Variants in WNT7A observed in about 807,000 individuals in gnomAD.
WNT7A encodes protein Wnt-7a.
A neutral mutation model predicts 28.2 loss-of-function variants in WNT7A; 16 were observed. The observed-to-expected ratio is 0.57, with a 90% CI of 0.38 to 0.86. WNT7A has a LOEUF of 0.86. Among genes scored for constraint, WNT7A ranks in the 40% least tolerant of loss-of-function variants. The pLI is 0.00. For synonymous variants in WNT7A, 190 were observed against 195.9 expected, an observed-to-expected ratio of 0.97 and a Z score of 0.25; for missense variants, 411 against 489.7, an observed-to-expected ratio of 0.84 and a Z score of 1.52.
rs142646198 is a variant in WNT7A, at chr3:13,859,875, C to A, written c.299-5072G>T. 3.7e-3 allele frequency among the ~76,000 whole-genome samples: 556 copies of A among 152,278 alleles called. 4 individuals carry two copies. Among genetic ancestry groups the A allele is most frequent in the African/African-American group, 0.012 (516 of 41,542 alleles). The stretch of plus-strand genomic sequence containing the variant: ...CCCATCTATTCCCTAGGAAAGCAAC[C>A]CTCAAGGGAGGTAATAACAGCCTCT... On this transcript the variant is annotated intron_variant, in intron 2 of 3. Coordinates refer to ENST00000285018, the MANE Select transcript of WNT7A (RefSeq NM_004625.4).
intron 1 of WNT7A, 60 bp downstream of exon 1, chr3:13,879,686 C>A: frequency 6.4e-7 from 1 of 1,573,376 alleles, no homozygotes; most frequent in South Asian, 1.1e-5. Flanking sequence ...GCACACCTCC[C>A]TCCCCGGGCC....
intron 2 of WNT7A, among the ~76,000 whole-genome samples, chr3:13,872,622 G>A (rs752655067): frequency 5.3e-5 from 8 of 152,158 alleles, no homozygotes; most frequent in Non-Finnish European, 1.2e-4. Context: ...TGCCTGCCAA[G>A]CCCACTAGAA....
At chr3:13,879,628 G>A in intron 1 of WNT7A, 118 bp downstream of exon 1, 2 of 1,154,130 alleles carry the variant, frequency 1.7e-6, no homozygotes, top group Non-Finnish European at 2.5e-6. Flanking sequence ...GCACCCACCC[G>A]GCCTCTCAGA....
intron 3 of WNT7A, among the ~76,000 whole-genome samples, chr3:13,821,010 A>T (rs1425955182): frequency 6.6e-6 from 1 of 152,152 alleles, no homozygotes; most frequent in East Asian, 1.9e-4. Flanking sequence ...GCCCCTTCAA[A>T]TGCAGGCTGC....
At position 13,817,612 on chromosome 3, in the gene WNT7A, G is replaced by T. The variant is rs1575056563; in HGVS notation, c.*1332C>A. The T allele has an allele frequency of 6.6e-6, 1 of 152,504 alleles. No homozygotes were observed. Among genetic ancestry groups the T allele is most frequent in the East Asian group, 1.9e-4 (1 of 5,178 alleles). The allele number at this position is 152,504 out of a possible 1,614,324, so 9.4% of individuals were successfully genotyped here. ...CTCTGCTGCTTGGCCTTGGGAGCAGGATATCCAGGAAGCCCCGCTGGGCCC... is the reference window on the plus strand; with the variant it reads ...CTCTGCTGCTTGGCCTTGGGAGCAGTATATCCAGGAAGCCCCGCTGGGCCC... On this transcript the variant is annotated 3_prime_UTR_variant, in exon 4 of 4. Coordinates refer to ENST00000285018, the MANE Select transcript of WNT7A (RefSeq NM_004625.4).
chr3:13,828,314 G>C (rs575987932), intron 3 of WNT7A, among the ~76,000 whole-genome samples: 49 of 152,336 alleles, frequency 3.2e-4, no homozygotes, highest in African/African-American at 1.0e-3. Context: ...AAGCAGAGCT[G>C]AGAAATAGAG....
rs145540635 is a variant in WNT7A at position 13,857,171 on chromosome 3, C to A, written c.299-2368G>T. Reference sequence around the variant, plus strand: ...ATCAAGAAATGCTGTGTAAGATCTGCATGCTGGACCAGGCCATAGGAGGAC... The same window carrying A: ...ATCAAGAAATGCTGTGTAAGATCTGAATGCTGGACCAGGCCATAGGAGGAC... On this transcript the variant is annotated intron_variant, in intron 2 of 3. Transcript: ENST00000285018. Among the ~76,000 whole-genome samples, 264 of 152,260 alleles carry A rather than the reference C, an allele frequency of 1.7e-3. 4 individuals are homozygous for A. The highest frequency in any genetic ancestry group is 4.6e-4 in the Non-Finnish European group (31 of 68,012).
intron 3 of WNT7A, among the ~76,000 whole-genome samples, chr3:13,821,847 G>T (rs1694115092): frequency 6.6e-6 from 1 of 152,232 alleles, no homozygotes; most frequent in Admixed American, 6.5e-5. Flanking sequence ...TCTGCTCCTT[G>T]ATATGGTTTA....
chr3:13,856,893 A>AAAGAAGAAGAAGAAG (rs775537679), intron 2 of WNT7A, among the ~76,000 whole-genome samples: 19 of 73,354 alleles, frequency 2.6e-4, no homozygotes, highest in Admixed American at 7.0e-4. Flanking sequence ...AGAAGAAGAA[A>AAAGAAGAAGAAGAAG]AAGAAGAAGA....
chr3:13,863,519 A>C (rs1694866199), intron 2 of WNT7A: 1 of 152,212 alleles, frequency 6.6e-6, no homozygotes, highest in Non-Finnish European at 1.5e-5. Context: ...AGCTGGGAAG[A>C]GAACATTATA....
At chr3:13,819,668 G>A (rs1247457288) in intron 3 of WNT7A, among the ~76,000 whole-genome samples, 4 of 152,220 alleles carry the variant, frequency 2.6e-5, no homozygotes, top group Admixed American at 2.6e-4. Flanking sequence ...GATAACGATA[G>A]TGCCTAACTG....
intron 3 of WNT7A, among the ~76,000 whole-genome samples, chr3:13,852,520 G>T (rs1210300121): frequency 6.6e-6 from 1 of 152,206 alleles, no homozygotes; most frequent in East Asian, 1.9e-4. Flanking sequence ...TCGGAACAAG[G>T]AGTGGGTCAT....
chr3:13,875,306 C>T, intron 1 of WNT7A, 133 bp from the exon 2 acceptor site: 1 of 800,586 alleles, frequency 1.2e-6, no homozygotes, highest in Non-Finnish European at 2.1e-6. Context: ...TGATCCTGCA[C>T]CCCTAACTCA....
At chr3:13,879,165 C>G (rs1410067019) in intron 1 of WNT7A, among the ~76,000 whole-genome samples, 1 of 152,214 alleles carries the variant, frequency 6.6e-6, no homozygotes, top group African/African-American at 2.4e-5. Context: ...TCTAAGGGCC[C>G]CTGGAAATTG....
intron 3 of WNT7A, among the ~76,000 whole-genome samples, chr3:13,833,924 G>A (rs1437643447): frequency 6.6e-6 from 1 of 152,184 alleles, no homozygotes; most frequent in Non-Finnish European, 1.5e-5. Context: ...GAGGTTGGTG[G>A]CCAGGTGGGC....
chr3:13,831,887 C>G (rs1226197601), intron 3 of WNT7A, among the ~76,000 whole-genome samples: 1 of 152,164 alleles, frequency 6.6e-6, no homozygotes, highest in Non-Finnish European at 1.5e-5. Flanking sequence ...AGAGTCCCGC[C>G]CAGGACCTGT....
chr3:13,868,533 G>GAGGGA (rs200644159), intron 2 of WNT7A, among the ~76,000 whole-genome samples: 3 of 140,890 alleles, frequency 2.1e-5, no homozygotes, highest in Non-Finnish European at 4.6e-5. Context: ...AGGTGGGAGG[G>GAGGGA]AGGGAAGGGA....
At chr3:13,878,848 G>C (rs990536269) in intron 1 of WNT7A, among the ~76,000 whole-genome samples, 1 of 152,006 alleles carries the variant, frequency 6.6e-6, no homozygotes, top group Non-Finnish European at 1.5e-5. Flanking sequence ...AGCCTCACAC[G>C]CGTTGTCTTA....
chr3:13,830,084 C>T (rs1017503251), intron 3 of WNT7A, among the ~76,000 whole-genome samples: 1 of 152,246 alleles, frequency 6.6e-6, no homozygotes, highest in Non-Finnish European at 1.5e-5. Flanking sequence ...GCTCCTGGTC[C>T]CCGCAGCGTC....
Sources: allele counts gnomAD v4.1 joint callset (sites outside exome capture counted in the v4.1 genomes callset), GRCh38; gene constraint gnomAD v4.1.1; transcripts MANE v1.5; gene names NCBI Gene and HGNC (gene_info 2026-07-23, HGNC 2026-07-21).